SYNDIG1: variants seen among roughly 807,000 people sequenced by gnomAD.
SYNDIG1 encodes synapse differentiation inducing 1, also known as synapse differentiation-inducing gene protein 1.
In SYNDIG1, 9 loss-of-function variants were observed where a neutral mutation model predicts 19.4. That is an observed-to-expected ratio of 0.46 (90% CI 0.28 to 0.81). SYNDIG1 has a LOEUF of 0.81. Among genes scored for constraint, SYNDIG1 ranks in the 30% least tolerant of loss-of-function variants. SYNDIG1 has a pLI of 0.12. For synonymous variants in SYNDIG1, 141 were observed against 145.9 expected, an observed-to-expected ratio of 0.97 and a Z score of 0.24; for missense variants, 311 against 343.3, an observed-to-expected ratio of 0.91 and a Z score of 0.74.
chr20:24,566,539 A>G (rs757995272), intron 2 of SYNDIG1, among the ~76,000 whole-genome samples: 1 of 152,192 alleles, frequency 6.6e-6, no homozygotes, highest in Non-Finnish European at 1.5e-5. Flanking sequence ...TAATCACTGA[A>G]GCAGTCAGCT....
chr20:24,592,488 C>G (rs980916182), intron 3 of SYNDIG1, among the ~76,000 whole-genome samples: 1 of 152,180 alleles, frequency 6.6e-6, no homozygotes, highest in Non-Finnish European at 1.5e-5. Context: ...GAGATCCAAA[C>G]AATGCCAGCA....
intron 1 of SYNDIG1, among the ~76,000 whole-genome samples, chr20:24,494,111 G>A (rs1178894338): frequency 1.3e-5 from 2 of 152,102 alleles, no homozygotes; most frequent in South Asian, 4.2e-4. Context: ...ACACAGCAGA[G>A]GCTTCACCAG....
At chr20:24,648,969 G>A (rs1290602370) in intron 3 of SYNDIG1, among the ~76,000 whole-genome samples, 1 of 152,226 alleles carries the variant, frequency 6.6e-6, no homozygotes, top group East Asian at 1.9e-4. Flanking sequence ...GGTGCAAGGT[G>A]CGATGTTAAG....
chr20:24,548,104 C>G (rs908225664), intron 2 of SYNDIG1, among the ~76,000 whole-genome samples: 1 of 152,166 alleles, frequency 6.6e-6, no homozygotes, highest in Non-Finnish European at 1.5e-5. Flanking sequence ...CCTCGAAGCG[C>G]TTGGGGATGG....
At chr20:24,586,912 C>T (rs370466690) in intron 3 of SYNDIG1, among the ~76,000 whole-genome samples, 2 of 152,128 alleles carry the variant, frequency 1.3e-5, no homozygotes, top group South Asian at 2.1e-4. Context: ...GTATGGACAG[C>T]GTCTCTATCC....
At chr20:24,565,514 T>A (rs1174662772) in intron 2 of SYNDIG1, among the ~76,000 whole-genome samples, 1 of 152,196 alleles carries the variant, frequency 6.6e-6, no homozygotes, top group Non-Finnish European at 1.5e-5. Context: ...AGTGTTCTTC[T>A]GGCCCAGGCT....
intron 2 of SYNDIG1, among the ~76,000 whole-genome samples, chr20:24,584,126 C>T (rs1032306229): frequency 6.6e-6 from 1 of 152,186 alleles, no homozygotes; most frequent in African/African-American, 2.4e-5. Flanking sequence ...TCAGAACCCC[C>T]AGGAGAGTCT....
chr20:24,538,577 T>A (rs2057406701), intron 1 of SYNDIG1, among the ~76,000 whole-genome samples: 1 of 152,192 alleles, frequency 6.6e-6, no homozygotes, highest in Non-Finnish European at 1.5e-5. Flanking sequence ...TGCAAGTATC[T>A]CCTCAAGACC....
chr20:24,555,044 T>A (rs2057785021), intron 2 of SYNDIG1, among the ~76,000 whole-genome samples: 1 of 152,216 alleles, frequency 6.6e-6, no homozygotes, highest in Non-Finnish European at 1.5e-5. Flanking sequence ...AGGGTGTATG[T>A]GTCAAGGAAT....
At chr20:24,548,761 G>A (rs1233415766) in intron 2 of SYNDIG1, among the ~76,000 whole-genome samples, 1 of 152,182 alleles carries the variant, frequency 6.6e-6, no homozygotes, top group Non-Finnish European at 1.5e-5. Context: ...TTTAGTGTGA[G>A]TGAACGAACA....
At chr20:24,579,528 G>A (rs1234171371) in intron 2 of SYNDIG1, among the ~76,000 whole-genome samples, 7 of 152,138 alleles carry the variant, frequency 4.6e-5, no homozygotes, top group African/African-American at 1.7e-4. Context: ...TACAACGAAC[G>A]GCACAGTCCA....
At chr20:24,547,162 C>T (rs1399939379) in intron 2 of SYNDIG1, among the ~76,000 whole-genome samples, 1 of 152,178 alleles carries the variant, frequency 6.6e-6, no homozygotes, top group Non-Finnish European at 1.5e-5. Context: ...AGCAGGGCCC[C>T]TCGTTTCCCT....
chr20:24,526,510 A>G (rs1048965573), intron 1 of SYNDIG1, among the ~76,000 whole-genome samples: 24 of 152,198 alleles, frequency 1.6e-4, no homozygotes, highest in African/African-American at 5.5e-4. Flanking sequence ...TTTACATGCT[A>G]TTGTTTTCCT....
chr20:24,649,399 C>T (rs1206173596), intron 3 of SYNDIG1, among the ~76,000 whole-genome samples: 1 of 152,186 alleles, frequency 6.6e-6, no homozygotes, highest in Non-Finnish European at 1.5e-5. Context: ...TAGCAACGAT[C>T]TTTGTGTTTT....
At chr20:24,578,866 T>G (rs1460180532) in intron 2 of SYNDIG1, among the ~76,000 whole-genome samples, 1 of 152,164 alleles carries the variant, frequency 6.6e-6, no homozygotes. Flanking sequence ...GTGTCAGGCT[T>G]TTTATTGATG....
At chr20:24,662,942 C>T (rs527586139) in intron 3 of SYNDIG1, among the ~76,000 whole-genome samples, 136 of 152,316 alleles carry the variant, frequency 8.9e-4, no homozygotes, top group African/African-American at 3.1e-3. Flanking sequence ...TGTCAAAGAG[C>T]CAGGAGCTTT....
At position 24,543,531 on chromosome 20, in the gene SYNDIG1, C is replaced by T; in HGVS notation, c.434C>T (p.Thr145Ile). Residue 145 changes from threonine (T) to isoleucine (I), a missense_variant, in exon 2 of 4, where the codon ACC becomes ATC. Thr to Ile is a moderately conservative substitution (Grantham distance 89). Transcript: ENST00000376862. ...DLSADDIKIH[T>I]LSYDVEEEEE... ...TCAGCTGATGACATAAAAATCCACA[C>T]CCTGTCCTACGATGTGGAGGAGGAG... 6.2e-7 allele frequency: 1 copy of T among 1,606,532 alleles called. No individual in the cohort carries two copies. The highest frequency in any genetic ancestry group is 8.5e-7 in the Non-Finnish European group (1 of 1,179,974).
At chr20:24,529,958 G>T (rs2057213077) in intron 1 of SYNDIG1, among the ~76,000 whole-genome samples, 1 of 3,608 alleles carries the variant, frequency 2.8e-4, no homozygotes, top group South Asian at 0.01. Context: ...TGGTGTCAGT[G>T]TTGGGAATAA....
At chr20:24,566,724 C>A (rs1014278503) in intron 2 of SYNDIG1, among the ~76,000 whole-genome samples, 2 of 152,152 alleles carry the variant, frequency 1.3e-5, no homozygotes, top group Non-Finnish European at 2.9e-5. Context: ...GTGAAGGAGC[C>A]ACCCTGAGTG....
Sources: gnomAD v4.1 joint callset for allele counts (sites outside exome capture counted in the v4.1 genomes callset) on GRCh38, gnomAD v4.1.1 for gene constraint, MANE v1.5 for transcripts, NCBI Gene and HGNC (gene_info 2026-07-23, HGNC 2026-07-21) for gene names.